CNIH3: variants seen among roughly 807,000 people sequenced by gnomAD.
CNIH3 encodes the protein protein cornichon homolog 3.
A neutral mutation model predicts 24.1 loss-of-function variants in CNIH3; 14 were observed. The observed-to-expected ratio is 0.58, with a 90% CI of 0.38 to 0.91. The LOEUF is 0.91. Among genes scored for constraint, CNIH3 ranks in the 40% least tolerant of loss-of-function variants. The pLI is 0.00. For missense variants in CNIH3, 178 were observed against 196.8 expected (o/e 0.90, Z 0.57); for synonymous variants, 68 against 73.8 (o/e 0.92, Z 0.40).
intron 1 of CNIH3, among the ~76,000 whole-genome samples, chr1:224,480,244 CA>C (rs1276857782): frequency 6.6e-6 from 1 of 152,204 alleles, no homozygotes; most frequent in East Asian, 1.9e-4. Flanking sequence ...GTGGCTGGGA[CA>C]CACAGCACCA....
chr1:224,616,452 C>G lies in CNIH3; in HGVS notation c.-723C>G, dbSNP rs936549677. ...CGTTGGGTGGAGCCAGTGCTCGCCC[C>G]GGTCCGACCCCCGGTTTCCGGGACA... is the stretch of plus-strand genomic sequence containing the variant. On this transcript the variant is annotated 5_prime_UTR_variant, in exon 1 of 6. Coordinates refer to ENST00000272133, the MANE Select transcript of CNIH3 (RefSeq NM_152495.2). The G allele has an allele frequency of 1.1e-5, 11 of 989,610 alleles. No homozygotes were observed. The African/African-American group carries it at 1.6e-4, about 14-fold the overall frequency. 61.3% of individuals were successfully genotyped at this position (989,610 alleles called of 1,614,324 possible). A position where few individuals can be genotyped will look rare whatever the true frequency, so the allele number is the denominator to read the frequency against.
intron 3 of CNIH3, among the ~76,000 whole-genome samples, chr1:224,706,831 A>G (rs557203070): frequency 1.2e-4 from 18 of 152,092 alleles, no homozygotes; most frequent in South Asian, 6.2e-4. Context: ...ATTTCATTAG[A>G]CTGTTTATTG....
chr1:224,636,665 T>G (rs1017347765), intron 1 of CNIH3, among the ~76,000 whole-genome samples: 3 of 152,254 alleles, frequency 2.0e-5, no homozygotes, highest in African/African-American at 7.2e-5. Flanking sequence ...TTACTTGATC[T>G]TTACAGCTGT....
exon 1 of CNIH3, chr1:224,434,663 C>T: frequency 1.2e-6 from 1 of 814,718 alleles, no homozygotes; most frequent in Non-Finnish European, 1.5e-6. Flanking sequence ...CGGGGCCCGC[C>T]GCTGGGCTGA....
chr1:224,717,429 C>T (rs1307294508), intron 3 of CNIH3: 1 of 152,228 alleles, frequency 6.6e-6, no homozygotes, highest in Non-Finnish European at 1.5e-5. Flanking sequence ...CTCCTAATGC[C>T]ATCACAATGG....
chr1:224,641,165 C>G (rs16850786), intron 1 of CNIH3, among the ~76,000 whole-genome samples: 34,757 of 152,034 alleles, frequency 0.23, 4,442 homozygotes, highest in East Asian at 0.38. Flanking sequence ...GCTAAGCCTC[C>G]TCGGCATACA....
intron 5 of CNIH3, among the ~76,000 whole-genome samples, chr1:224,585,637 T>A (rs940704014): frequency 6.6e-6 from 1 of 151,266 alleles, no homozygotes; most frequent in African/African-American, 2.4e-5. Flanking sequence ...TCACCACACC[T>A]GGATAATTTA....
intron 3 of CNIH3, among the ~76,000 whole-genome samples, chr1:224,553,519 G>T (rs1048134746): frequency 4.6e-5 from 7 of 152,074 alleles, no homozygotes; most frequent in Non-Finnish European, 7.4e-5. Flanking sequence ...AAGGTTCTGG[G>T]ACCCGGCTGG....
chr1:224,456,129 G>A (rs752819579), intron 1 of CNIH3, among the ~76,000 whole-genome samples: 2 of 152,170 alleles, frequency 1.3e-5, no homozygotes, highest in Non-Finnish European at 2.9e-5. Context: ...AGAAATCGTG[G>A]AAGTCACATC....
In CNIH3 at chr1:224,616,617, C is replaced by T; in HGVS notation, c.-558C>T. 1 of 987,144 alleles carries T rather than the reference C, an allele frequency of 1.0e-6. No homozygotes were observed. The highest frequency in any genetic ancestry group is 1.2e-6 in the Non-Finnish European group (1 of 831,170). The allele number at this position is 987,144 out of a possible 1,614,324, so 61.1% of individuals were successfully genotyped here. A position where few individuals can be genotyped will look rare whatever the true frequency, so the allele number is the denominator to read the frequency against. The stretch of plus-strand genomic sequence containing the variant: ...TCCCGGCTACCTAAAGACTCCTTCT[C>T]TCGGGAAAGAGCGCTGCCCGGCTCT... On this transcript the variant is annotated 5_prime_UTR_variant, in exon 1 of 6. Transcript: ENST00000272133.
chr1:224,554,310 G>A lies in CNIH3; in HGVS notation n.450+7371G>A, dbSNP rs535117530. ...ATTACACAGTAAGGCCGTGGGGTGG[G>A]GTTCTCTTGGCAGATCCAAGTTTCT... On this transcript the variant is annotated intron_variant and non_coding_transcript_variant, in intron 3 of 5. Coordinates refer to the CNIH3 transcript ENST00000471578. Among the ~76,000 whole-genome samples the A allele has an allele frequency of 2.6e-5, 4 of 152,110 alleles. No individual in the cohort carries two copies. In the South Asian group the frequency reaches 8.3e-4, roughly 32 times the overall value.
intron 1 of CNIH3, among the ~76,000 whole-genome samples, chr1:224,660,812 G>A (rs1031816400): frequency 2.0e-5 from 3 of 152,158 alleles, no homozygotes; most frequent in African/African-American, 7.2e-5. Context: ...GTCATAACAG[G>A]CTGACACTGC....
intron 1 of CNIH3, among the ~76,000 whole-genome samples, chr1:224,443,685 ATC>A (rs1349824994): frequency 1.6e-3 from 169 of 103,212 alleles, no homozygotes; most frequent in Non-Finnish European, 2.4e-3. Context: ...ATAGATAGAT[ATC>A]TATAGATATA....
intron 3 of CNIH3, among the ~76,000 whole-genome samples, chr1:224,694,352 G>T (rs1365322427): frequency 6.6e-6 from 1 of 152,214 alleles, no homozygotes. Flanking sequence ...AGCAGGAGAA[G>T]AAACCCTAAA....
downstream of CNIH3, among the ~76,000 whole-genome samples, chr1:224,542,122 T>G (rs1256413942): frequency 1.3e-5 from 2 of 152,224 alleles, no homozygotes; most frequent in Non-Finnish European, 2.9e-5. Context: ...TGCTCTGGTT[T>G]GGCCAGAATC....
At chr1:224,557,962 A>G (rs1680209671) in intron 3 of CNIH3, among the ~76,000 whole-genome samples, 1 of 152,232 alleles carries the variant, frequency 6.6e-6, no homozygotes, top group Non-Finnish European at 1.5e-5. Flanking sequence ...TAGAAGAGTT[A>G]ATTGACTTGT....
At chr1:224,445,591 A>AG (rs1379046226) in intron 1 of CNIH3, among the ~76,000 whole-genome samples, 4 of 149,418 alleles carry the variant, frequency 2.7e-5, no homozygotes, top group Admixed American at 1.3e-4. Context: ...AAAAAAAAAA[A>AG]AAAAAGAAAG....
chr1:224,648,288 G>A (rs1161571747), intron 1 of CNIH3, among the ~76,000 whole-genome samples: 1 of 151,940 alleles, frequency 6.6e-6, no homozygotes, highest in East Asian at 1.9e-4. Flanking sequence ...GCGGGTACCT[G>A]TAATCCCAGC....
At chr1:224,612,234 AAG>A (rs745510220), upstream of CNIH3, among the ~76,000 whole-genome samples, 1 of 152,228 alleles carries the variant, frequency 6.6e-6, no homozygotes, top group East Asian at 1.9e-4. This position sits in a 1 kb window ranked among gnomAD's most constrained non-coding sequence, Gnocchi z 4.7. Flanking sequence ...AAGACCTAAT[AAG>A]AGAGTACGGA....
Sources: allele counts gnomAD v4.1 joint callset (sites outside exome capture counted in the v4.1 genomes callset), GRCh38; gene constraint gnomAD v4.1.1; non-coding constraint Gnocchi (gnomAD v3.1); transcripts MANE v1.5; gene names NCBI Gene and HGNC (gene_info 2026-07-23, HGNC 2026-07-21).